The following LUC7L2 variants were observed in gnomAD, a reference collection of about 807,000 sequenced individuals.
LUC7L2 encodes the protein putative RNA-binding protein Luc7-like 2.
In LUC7L2, 25 loss-of-function variants were observed where a neutral mutation model predicts 52.8. The ratio of observed to expected loss-of-function variants is 0.47; its 90% CI spans 0.34 to 0.66. The LOEUF is 0.66. LUC7L2 is among the 30% of genes least tolerant of loss of function. The pLI is 0.01. For synonymous variants in LUC7L2, 144 were observed against 160.9 expected (o/e 0.89, Z 0.80); for missense variants, 328 against 497.8 (o/e 0.66, Z 3.25).
intron 2 of LUC7L2, among the ~76,000 whole-genome samples, chr7:139,380,360 G>GA (rs1183707188): frequency 3.3e-5 from 5 of 151,890 alleles, no homozygotes; most frequent in Admixed American, 3.3e-4. Flanking sequence ...TTGGGAGGCC[G>GA]AGGGGGGATG....
chr7:139,360,650 G>A (rs1176397279), intron 1 of LUC7L2, among the ~76,000 whole-genome samples: 3 of 152,118 alleles, frequency 2.0e-5, no homozygotes, highest in Non-Finnish European at 4.4e-5. Context: ...TTTTGTCGCT[G>A]GTTAGGTACC....
At chr7:139,359,512 A>T, upstream of LUC7L2, 1 of 233,870 alleles carries the variant, frequency 4.3e-6, no homozygotes, top group Non-Finnish European at 8.2e-6. Flanking sequence ...CGCCCACCTC[A>T]GACGCCAAGG....
intron 4 of LUC7L2, among the ~76,000 whole-genome samples, chr7:139,404,323 A>G (rs1227899936): frequency 1.3e-5 from 2 of 152,208 alleles, no homozygotes; most frequent in Non-Finnish European, 2.9e-5. Context: ...CAGCCTGGCC[A>G]CCATGGTGAA....
intron 2 of LUC7L2, among the ~76,000 whole-genome samples, chr7:139,386,927 CCTT>C (rs1365452129): frequency 2.6e-5 from 4 of 152,074 alleles, no homozygotes; most frequent in Non-Finnish European, 4.4e-5. Context: ...GCAGCCTCCT[CCTT>C]CTGGGTTCAA....
At chr7:139,422,065 A>G (rs576822029) in intron 9 of LUC7L2, 98 bp from the exon 10 acceptor site, 18 of 1,466,568 alleles carry the variant, frequency 1.2e-5, no homozygotes, top group South Asian at 1.0e-4. Context: ...ATTCGTCTAT[A>G]TATCTTCAGC....
At chr7:139,368,798 C>G (rs1235001326) in intron 1 of LUC7L2, among the ~76,000 whole-genome samples, 1 of 151,842 alleles carries the variant, frequency 6.6e-6, no homozygotes, top group Non-Finnish European at 1.5e-5. Flanking sequence ...TTGTGGTCCC[C>G]TTCACCGTCT....
chr7:139,379,054 A>G (rs2131222426), intron 2 of LUC7L2, among the ~76,000 whole-genome samples: 1 of 152,290 alleles, frequency 6.6e-6, no homozygotes, highest in Admixed American at 6.5e-5. Context: ...ACGGGGTTTC[A>G]CCATGTTGGT....
intron 1 of LUC7L2, among the ~76,000 whole-genome samples, chr7:139,362,153 A>G (rs912206026): frequency 3.3e-5 from 5 of 151,834 alleles, no homozygotes. Context: ...GATCGAACTC[A>G]TATTTACGAG....
At chr7:139,399,911 G>A (rs929298785) in intron 3 of LUC7L2, among the ~76,000 whole-genome samples, 1 of 118,890 alleles carries the variant, frequency 8.4e-6, no homozygotes, top group African/African-American at 6.1e-5. Context: ...AAGTTTTTTT[G>A]CATATATATA....
In LUC7L2 at chr7:139,422,641, G is replaced by T. The variant is rs1585145573; in HGVS notation, c.*301G>T. 3 of 513,544 alleles carry T rather than the reference G, an allele frequency of 5.8e-6. No homozygotes were observed. In the South Asian group the frequency reaches 2.9e-4, roughly 49 times the overall value. 31.8% of individuals were successfully genotyped at this position (513,544 alleles called of 1,614,324 possible). On this transcript the variant is annotated 3_prime_UTR_variant, in exon 10 of 10. Transcript: ENST00000354926. ...TGAACAAATTGTGTTACTTGCCTTG[G>T]GATTTTTTGAACGTTTGTAAAATGC...
At chr7:139,395,027 G>C (rs982554887) in intron 2 of LUC7L2, among the ~76,000 whole-genome samples, 6 of 152,180 alleles carry the variant, frequency 3.9e-5, no homozygotes, top group African/African-American at 1.2e-4. Context: ...AAGTTCCCCA[G>C]GTCTAAGTTG....
intron 2 of LUC7L2, among the ~76,000 whole-genome samples, chr7:139,388,212 T>G (rs781025502): frequency 2.0e-4 from 31 of 152,208 alleles, no homozygotes; most frequent in Admixed American, 1.5e-3. Context: ...ACCATAGTCT[T>G]TGTGTGATAA....
At chr7:139,409,679 T>C in intron 7 of LUC7L2, 25 bp downstream of exon 7, 2 of 1,569,802 alleles carry the variant, frequency 1.3e-6, no homozygotes, top group Non-Finnish European at 1.7e-6. Flanking sequence ...GCCAAGTAAT[T>C]GAAGTTGAAT....
intron 1 of LUC7L2, among the ~76,000 whole-genome samples, chr7:139,369,547 A>T (rs1800335586): frequency 6.6e-6 from 1 of 152,194 alleles, no homozygotes; most frequent in South Asian, 2.1e-4. Context: ...ATTCTTTAGT[A>T]TTCCTGTTCT....
rs189202325 is a variant in LUC7L2 at position 139,409,062 on chromosome 7, G to T, written c.688-501G>T. 6.6e-5 allele frequency among the ~76,000 whole-genome samples: 10 copies of T among 152,088 alleles called. No homozygotes were observed. In the East Asian group the frequency reaches 1.9e-3, roughly 30 times the overall value. ...CCCAGCTCCTCAGGTGGCTGAGGCT[G>T]GCAGGTGGAGGTTGCAGTGAGCCGA... On this transcript the variant is annotated intron_variant, in intron 6 of 9. Transcript: ENST00000354926.
chr7:139,402,452 T>C (rs148382428), intron 4 of LUC7L2, among the ~76,000 whole-genome samples: 72 of 152,352 alleles, frequency 4.7e-4, no homozygotes, highest in African/African-American at 1.6e-3. Context: ...TCCTTATATT[T>C]TATTCAGATT....
At chr7:139,342,557 G>A (rs1799038078) in intron 1 of LUC7L2, among the ~76,000 whole-genome samples, 1 of 152,118 alleles carries the variant, frequency 6.6e-6, no homozygotes, top group Admixed American at 6.5e-5. Flanking sequence ...TCACCTCCCA[G>A]GTTCAAGCGA....
chr7:139,414,774 G>A (rs1795514837), intron 8 of LUC7L2, among the ~76,000 whole-genome samples: 1 of 152,284 alleles, frequency 6.6e-6, no homozygotes, highest in Non-Finnish European at 1.5e-5. Flanking sequence ...TGATTCACTT[G>A]TTCCCTTTCT....
chr7:139,369,081 T>G (rs1360368613), intron 1 of LUC7L2, among the ~76,000 whole-genome samples: 1 of 152,204 alleles, frequency 6.6e-6, no homozygotes, highest in Non-Finnish European at 1.5e-5. Flanking sequence ...ACTTGTCTTT[T>G]TTAATAGATA....
Sources: allele counts gnomAD v4.1 joint callset (sites outside exome capture counted in the v4.1 genomes callset), GRCh38; gene constraint gnomAD v4.1.1; transcripts MANE v1.5; gene names NCBI Gene and HGNC (gene_info 2026-07-23, HGNC 2026-07-21).